CTNNA3: variants seen among roughly 807,000 people sequenced by gnomAD.
CTNNA3 encodes catenin alpha 3, also known as catenin alpha-3.
In CTNNA3, 76 loss-of-function variants were observed where a neutral mutation model predicts 95.7. That is an observed-to-expected ratio of 0.79 (90% CI 0.66 to 0.96). CTNNA3 has a LOEUF of 0.96. Among genes scored for constraint, CTNNA3 ranks in the 40% least tolerant of loss-of-function variants. CTNNA3 has a pLI of 0.00. For synonymous variants in CTNNA3, 431 were observed against 374.4 expected (o/e 1.15, Z -1.74); for missense variants, 1,191 against 1,089.8 (o/e 1.09, Z -1.31).
At chr10:67,269,838 T>C (rs1189567379) in intron 5 of CTNNA3, among the ~76,000 whole-genome samples, 1 of 152,070 alleles carries the variant, frequency 6.6e-6, no homozygotes, top group Non-Finnish European at 1.5e-5. Flanking sequence ...CTACTCTAAA[T>C]AGGAATGCTA....
chr10:67,034,554 T>G (rs1051988719), intron 7 of CTNNA3, among the ~76,000 whole-genome samples: 5 of 152,124 alleles, frequency 3.3e-5, no homozygotes, highest in South Asian at 2.1e-4. Context: ...ATTAACACAT[T>G]TATATTATCC....
chr10:66,826,368 C>T (rs1226811257), intron 7 of CTNNA3, among the ~76,000 whole-genome samples: 3 of 152,106 alleles, frequency 2.0e-5, no homozygotes, highest in Admixed American at 1.3e-4. Context: ...CCTCAACCTC[C>T]CAAGCTCAAG....
chr10:66,432,695 T>C (rs1329133807), intron 11 of CTNNA3, among the ~76,000 whole-genome samples: 1 of 151,538 alleles, frequency 6.6e-6, no homozygotes, highest in Non-Finnish European at 1.5e-5. Context: ...GGTATACATG[T>C]GCAGAACATG....
intron 7 of CTNNA3, among the ~76,000 whole-genome samples, chr10:66,890,671 A>T (rs1845233719): frequency 6.6e-6 from 1 of 152,202 alleles, no homozygotes; most frequent in African/African-American, 2.4e-5. Flanking sequence ...CAAAACATCA[A>T]AAAGGTTAGT....
In CTNNA3 at chr10:66,527,506, A is replaced by G. The variant is rs191529339; in HGVS notation, c.1375-6733T>C. ...CTGGTACATTGCTTTGGTTAGTATT[A>G]TCATCTTCATAATATTAAATTTTAT... On this transcript the variant is annotated intron_variant, in intron 10 of 17. Coordinates refer to ENST00000433211, the MANE Select transcript of CTNNA3 (RefSeq NM_013266.4). Among the ~76,000 whole-genome samples, 16 of 152,234 alleles carry G rather than the reference A, an allele frequency of 1.1e-4. 1 individual carries two copies. The highest frequency in any genetic ancestry group is 3.9e-4 in the African/African-American group (16 of 41,546).
chr10:67,682,776 C>A (rs7081671), intron 1 of CTNNA3, among the ~76,000 whole-genome samples: 35,974 of 152,076 alleles, frequency 0.24, 5,103 homozygotes, highest in East Asian at 0.52. Context: ...TATGAACAAG[C>A]ATATTCATTG....
chr10:65,939,820 A>C (rs59660115), intron 17 of CTNNA3, among the ~76,000 whole-genome samples: 4,000 of 152,268 alleles, frequency 0.026, 160 homozygotes, highest in African/African-American at 0.091. Context: ...TTTTGGCATT[A>C]GCAAGATTAT....
intron 16 of CTNNA3, among the ~76,000 whole-genome samples, chr10:65,967,687 G>A (rs765358730): frequency 1.9e-4 from 29 of 152,064 alleles, no homozygotes; most frequent in African/African-American, 2.9e-4. Context: ...TTATCTTTTC[G>A]AAGGAACTTC....
At chr10:67,258,088 A>G (rs1238694176) in intron 5 of CTNNA3, among the ~76,000 whole-genome samples, 1 of 152,092 alleles carries the variant, frequency 6.6e-6, no homozygotes, top group African/African-American at 2.4e-5. Context: ...TACATATGCA[A>G]TCCCTCTTCA....
intron 5 of CTNNA3, among the ~76,000 whole-genome samples, chr10:67,353,314 G>C (rs1205860699): frequency 6.6e-6 from 1 of 151,950 alleles, no homozygotes; most frequent in Non-Finnish European, 1.5e-5. Context: ...ACTACAAAAA[G>C]AGAGAGAGAA....
chr10:67,652,647 G>A (rs887588546), intron 1 of CTNNA3, among the ~76,000 whole-genome samples: 1 of 152,118 alleles, frequency 6.6e-6, no homozygotes, highest in African/African-American at 2.4e-5. Context: ...TATAGTTCCA[G>A]AGATATCATA....
At chr10:66,715,080 T>A (rs571631255) in intron 9 of CTNNA3, among the ~76,000 whole-genome samples, 1 of 152,240 alleles carries the variant, frequency 6.6e-6, no homozygotes, top group South Asian at 2.1e-4. Context: ...CTGGAGGGGT[T>A]CCATTCATCT....
intron 15 of CTNNA3, among the ~76,000 whole-genome samples, chr10:66,040,435 A>G (rs1326729774): frequency 1.3e-5 from 2 of 152,078 alleles, no homozygotes; most frequent in African/African-American, 4.8e-5. Context: ...GTGTATGTTC[A>G]TTGCAACACT....
chr10:67,600,713 T>C (rs934957259), intron 3 of CTNNA3, among the ~76,000 whole-genome samples: 16 of 152,132 alleles, frequency 1.1e-4, no homozygotes, highest in Non-Finnish European at 4.4e-5. Context: ...TAGGTATTAG[T>C]CCAAAAGAAA....
At chr10:66,609,057 T>G (rs1019999992) in intron 10 of CTNNA3, among the ~76,000 whole-genome samples, 2 of 152,004 alleles carry the variant, frequency 1.3e-5, no homozygotes, top group East Asian at 3.9e-4. Context: ...AAAGGTCTAT[T>G]ATCTTTTTTT....
At chr10:67,436,562 C>T (rs1374775535) in intron 5 of CTNNA3, among the ~76,000 whole-genome samples, 1 of 152,122 alleles carries the variant, frequency 6.6e-6, no homozygotes, top group Non-Finnish European at 1.5e-5. Flanking sequence ...AAAATCTTCA[C>T]AATCTATACA....
Position 66,438,647 on chromosome 10 carries a change from C to T in CTNNA3, c.1532-59295G>A, listed in dbSNP as rs190595162. Among the ~76,000 whole-genome samples the T allele has an allele frequency of 1.1e-4, 17 of 152,210 alleles. No individual in the cohort carries two copies. In the East Asian group the frequency reaches 1.2e-3, roughly 10 times the overall value. ...TGTTGGGCTCCATGGGGGTGGGATC[C>T]GCTGAGCTAGACCACTTGACTCCCT... On this transcript the variant is annotated intron_variant, in intron 11 of 17. Coordinates refer to ENST00000433211, the MANE Select transcript of CTNNA3 (RefSeq NM_013266.4).
In CTNNA3 at chr10:67,195,546, T is replaced by C. The variant is rs537657183; in HGVS notation, c.844-15026A>G. Among the ~76,000 whole-genome samples the C allele has an allele frequency of 4.6e-5, 7 of 151,560 alleles. No individual in the cohort carries two copies. In the South Asian group the frequency reaches 1.5e-3, roughly 32 times the overall value. ...GTAGGCTCCACCTCAGTGGTCTCCT[T>C]GCTAATGTTATTTTTTGCATTTAAA... On this transcript the variant is annotated intron_variant, in intron 6 of 17. Transcript: ENST00000433211.
intron 7 of CTNNA3, among the ~76,000 whole-genome samples, chr10:66,811,356 G>C (rs994904711): frequency 1.3e-4 from 20 of 152,162 alleles, no homozygotes; most frequent in Admixed American, 3.3e-4. Context: ...TCAACACTTA[G>C]AGGCCAGTGG....
Sources: allele counts gnomAD v4.1 joint callset (sites outside exome capture counted in the v4.1 genomes callset), GRCh38; gene constraint gnomAD v4.1.1; transcripts MANE v1.5; gene names NCBI Gene and HGNC (gene_info 2026-07-23, HGNC 2026-07-21).